Variants in CLSTN2 observed in about 807,000 individuals in gnomAD.
The protein encoded by CLSTN2 is calsyntenin 2, also known as calsyntenin-2.
A neutral mutation model predicts 101.2 loss-of-function variants in CLSTN2; 48 were observed. The ratio of observed to expected loss-of-function variants is 0.47; its 90% CI spans 0.38 to 0.60. CLSTN2 has a LOEUF of 0.60. Among genes scored for constraint, CLSTN2 ranks in the 20% least tolerant of loss-of-function variants. CLSTN2 has a pLI of 0.00. For missense variants in CLSTN2, 1,160 were observed against 1,238.2 expected, an observed-to-expected ratio of 0.94 and a Z score of 0.95; for synonymous variants, 481 against 463.6, an observed-to-expected ratio of 1.04 and a Z score of -0.48.
intron 1 of CLSTN2, among the ~76,000 whole-genome samples, chr3:139,942,844 T>A (rs1457535235): frequency 6.6e-6 from 1 of 152,172 alleles, no homozygotes; most frequent in African/African-American, 2.4e-5. Context: ...AGCCCATTTC[T>A]TTCACTACTG....
intron 1 of CLSTN2, among the ~76,000 whole-genome samples, chr3:140,058,406 C>G (rs948940219): frequency 5.9e-5 from 9 of 152,072 alleles, no homozygotes; most frequent in African/African-American, 2.2e-4. Flanking sequence ...GAAGACATGG[C>G]ATGAGATGTT....
intron 1 of CLSTN2, among the ~76,000 whole-genome samples, chr3:140,062,169 C>T (rs1248790488): frequency 6.6e-6 from 1 of 152,052 alleles, no homozygotes. Context: ...GCCCCGGGTA[C>T]TCAGTTTGCA....
At chr3:140,473,752 T>G (rs368113365) in intron 8 of CLSTN2, among the ~76,000 whole-genome samples, 417 of 151,214 alleles carry the variant, frequency 2.8e-3, no homozygotes, top group African/African-American at 8.4e-3. Flanking sequence ...GTGTTTTTTT[T>G]TTGTTGTTGT....
intron 1 of CLSTN2, among the ~76,000 whole-genome samples, chr3:139,960,201 G>A (rs893722035): frequency 5.9e-5 from 9 of 152,168 alleles, no homozygotes; most frequent in Non-Finnish European, 1.2e-4. Flanking sequence ...TTACCAATGC[G>A]ATATCACTGA....
intron 1 of CLSTN2, among the ~76,000 whole-genome samples, chr3:139,956,368 A>G (rs1935400107): frequency 6.6e-6 from 1 of 152,184 alleles, no homozygotes; most frequent in Non-Finnish European, 1.5e-5. Flanking sequence ...GTACCTCAGA[A>G]GAGAAGACTA....
At chr3:140,337,239 G>T (rs1184300272) in intron 2 of CLSTN2, among the ~76,000 whole-genome samples, 2 of 152,192 alleles carry the variant, frequency 1.3e-5, no homozygotes, top group African/African-American at 4.8e-5. Flanking sequence ...ATTGGCTCTT[G>T]AGCCTGGAAG....
At chr3:140,230,800 A>G (rs2086364729) in intron 2 of CLSTN2, among the ~76,000 whole-genome samples, 1 of 152,206 alleles carries the variant, frequency 6.6e-6, no homozygotes, top group African/African-American at 2.4e-5. Context: ...ACCTTTGGAC[A>G]TCATATGAAC....
intron 1 of CLSTN2, among the ~76,000 whole-genome samples, chr3:140,145,759 G>T (rs964513422): frequency 1.4e-4 from 22 of 152,198 alleles, no homozygotes; most frequent in Non-Finnish European, 3.1e-4. Context: ...TTCCAGGCAA[G>T]ATTCCAATGC....
At chr3:140,174,966 G>A (rs767476513) in intron 1 of CLSTN2, among the ~76,000 whole-genome samples, 4 of 152,172 alleles carry the variant, frequency 2.6e-5, no homozygotes, top group East Asian at 1.9e-4. Context: ...GAAAGGCTCC[G>A]TTCCAGGATT....
chr3:140,068,875 T>C (rs1462017999), intron 1 of CLSTN2, among the ~76,000 whole-genome samples: 1 of 152,246 alleles, frequency 6.6e-6, no homozygotes, highest in Non-Finnish European at 1.5e-5. Flanking sequence ...GAGCCTAGGT[T>C]CTAACATCAT....
intron 1 of CLSTN2, among the ~76,000 whole-genome samples, chr3:140,065,870 T>G (rs2008290690): frequency 6.6e-6 from 1 of 152,172 alleles, no homozygotes; most frequent in African/African-American, 2.4e-5. Context: ...ACTTTTATAA[T>G]CCCATGGAAG....
intron 1 of CLSTN2, among the ~76,000 whole-genome samples, chr3:140,138,139 CA>C (rs987091504): frequency 7.2e-5 from 11 of 152,256 alleles, no homozygotes; most frequent in Admixed American, 5.2e-4. Flanking sequence ...CATCTCTCCA[CA>C]AGACCAAAAA....
chr3:139,988,537 A>G (rs1936066461), intron 1 of CLSTN2, among the ~76,000 whole-genome samples: 1 of 152,168 alleles, frequency 6.6e-6, no homozygotes, highest in Admixed American at 6.5e-5. Context: ...GGAATAAGAT[A>G]TAGTCCCTGC....
At chr3:140,522,228 A>G (rs1038002214) in intron 8 of CLSTN2, among the ~76,000 whole-genome samples, 3 of 152,152 alleles carry the variant, frequency 2.0e-5, no homozygotes, top group Admixed American at 6.5e-5. Flanking sequence ...GTCAGTCCCA[A>G]TGTGAGAGTC....
At chr3:140,054,692 T>C (rs2008066916) in intron 1 of CLSTN2, among the ~76,000 whole-genome samples, 1 of 152,232 alleles carries the variant, frequency 6.6e-6, no homozygotes, top group Non-Finnish European at 1.5e-5. Flanking sequence ...AGCCACTGCA[T>C]ATGAGTTTGT....
Position 140,349,447 on chromosome 3 carries a change from G to A in CLSTN2, c.233-54182G>A, listed in dbSNP as rs148380250. ...GGAATAAAGGCTCGTGTTCTCTTTT[G>A]TAAAATGAAAATCCTTTTGCAATGG... On this transcript the variant is annotated intron_variant, in intron 2 of 16. Transcript: ENST00000458420. 6.4e-4 allele frequency among the ~76,000 whole-genome samples: 97 copies of A among 152,294 alleles called. 1 individual carries two copies. The highest frequency in any genetic ancestry group is 2.3e-3 in the African/African-American group (94 of 41,580).
At chr3:140,092,852 A>T (rs1342329326) in intron 1 of CLSTN2, among the ~76,000 whole-genome samples, 1 of 152,118 alleles carries the variant, frequency 6.6e-6, no homozygotes, top group Admixed American at 6.5e-5. Flanking sequence ...GTCTCCAGGG[A>T]CGGTGACTTG....
chr3:140,532,167 A>G (rs1935268623), intron 8 of CLSTN2, among the ~76,000 whole-genome samples, 157 bp from the exon 9 acceptor site: 1 of 152,222 alleles, frequency 6.6e-6, no homozygotes, highest in African/African-American at 2.4e-5. Flanking sequence ...ACAAGCTTCT[A>G]TAACTTCAGT....
chr3:140,449,982 G>C (rs956443053), intron 6 of CLSTN2: 1 of 152,360 alleles, frequency 6.6e-6, no homozygotes, highest in African/African-American at 2.4e-5. Flanking sequence ...TTGGCTGTGA[G>C]ATGGCGCCAC....
Sources: gnomAD v4.1 joint callset for allele counts (sites outside exome capture counted in the v4.1 genomes callset) on GRCh38, gnomAD v4.1.1 for gene constraint, MANE v1.5 for transcripts, NCBI Gene and HGNC (gene_info 2026-07-23, HGNC 2026-07-21) for gene names.